The following SPOP variants were observed in gnomAD, a reference collection of about 807,000 sequenced individuals.
SPOP encodes speckle type BTB/POZ protein.
Under a neutral mutation model 45.6 loss-of-function variants are expected in SPOP, and 11 were observed. That is an observed-to-expected ratio of 0.24 (90% CI 0.15 to 0.40). The LOEUF (loss-of-function observed/expected upper bound fraction) is 0.40, where lower values mean the gene tolerates loss of function less well. Among genes scored for constraint, SPOP ranks in the 10% least tolerant of loss-of-function variants. The pLI is 1.00. For missense variants in SPOP, 152 were observed against 465.6 expected, an observed-to-expected ratio of 0.33 and a Z score of 6.20; for synonymous variants, 166 against 166.3, an observed-to-expected ratio of 1.00 and a Z score of 0.01.
intron 6 of SPOP, among the ~76,000 whole-genome samples, chr17:49,610,199 A>G (rs1242566336): frequency 6.6e-6 from 1 of 152,052 alleles, no homozygotes; most frequent in Non-Finnish European, 1.5e-5. Context: ...CTAACCAAAG[A>G]GTTATAGACT....
intron 1 of SPOP, among the ~76,000 whole-genome samples, chr17:49,624,448 T>G (rs2072288747): frequency 6.6e-6 from 1 of 152,122 alleles, no homozygotes; most frequent in Admixed American, 6.5e-5. Context: ...AACATTATGC[T>G]GCATACCTCA....
At chr17:49,676,068 C>A (rs535006585) in intron 1 of SPOP, 2 of 151,920 alleles carry the variant, frequency 1.3e-5, no homozygotes, top group South Asian at 2.1e-4. Context: ...ATGGCCGAAA[C>A]CTACTGAGAA....
intron 1 of SPOP, among the ~76,000 whole-genome samples, chr17:49,665,263 A>G (rs2073037895): frequency 1.3e-5 from 2 of 152,180 alleles, no homozygotes; most frequent in African/African-American, 2.4e-5. Flanking sequence ...TTTCTTTAGG[A>G]AAAGTCCATT....
At chr17:49,634,779 G>C (rs933082630) in intron 1 of SPOP, among the ~76,000 whole-genome samples, 2 of 152,142 alleles carry the variant, frequency 1.3e-5, no homozygotes, top group African/African-American at 4.8e-5. Context: ...ACATGATTCG[G>C]CTATGGAAGG....
Position 49,611,532 on chromosome 17 carries a change from C to T in SPOP, c.481-75G>A, listed in dbSNP as rs968480474. The T allele has an allele frequency of 6.0e-6, 8 of 1,333,956 alleles. No individual in the cohort carries two copies. The African/African-American group carries it at 8.8e-5, about 15-fold the overall frequency. 82.6% of individuals were successfully genotyped at this position (1,333,956 alleles called of 1,614,324 possible). ...TTTGCCAGCAGATAGACGACTTTTA[C>T]CTAACTGCTGTAGTACATTCAGATA... On this transcript the variant is annotated intron_variant, in intron 5 of 9. Coordinates refer to ENST00000504102, the MANE Select transcript of SPOP (RefSeq NM_001007228.2).
At chr17:49,668,718 T>C (rs1257319292) in intron 1 of SPOP, among the ~76,000 whole-genome samples, 1 of 151,846 alleles carries the variant, frequency 6.6e-6, no homozygotes, top group Non-Finnish European at 1.5e-5. Flanking sequence ...TATACATATA[T>C]ACACACATAT....
At chr17:49,639,327 C>A (rs1428822977) in intron 1 of SPOP, among the ~76,000 whole-genome samples, 1 of 151,882 alleles carries the variant, frequency 6.6e-6, no homozygotes, top group Non-Finnish European at 1.5e-5. Flanking sequence ...GGTAGGAGAA[C>A]AAACTGGTAC....
At chr17:49,632,844 T>C (rs938940270) in intron 1 of SPOP, among the ~76,000 whole-genome samples, 5 of 152,358 alleles carry the variant, frequency 3.3e-5, no homozygotes, top group African/African-American at 9.6e-5. Flanking sequence ...CTACTTATAT[T>C]TGATCTATTG....
intron 1 of SPOP, among the ~76,000 whole-genome samples, chr17:49,652,983 T>C (rs1427807188): frequency 6.6e-6 from 1 of 152,194 alleles, no homozygotes; most frequent in Non-Finnish European, 1.5e-5. Context: ...TGGACGTCAG[T>C]TAAATAAACT....
intron 5 of SPOP, among the ~76,000 whole-genome samples, chr17:49,613,937 G>C (rs999835916): frequency 1.3e-5 from 2 of 152,090 alleles, no homozygotes; most frequent in Non-Finnish European, 2.9e-5. Context: ...TGAAGATGAC[G>C]TGACTGTGAC....
At chr17:49,662,257 G>GT (rs2072998588) in intron 1 of SPOP, among the ~76,000 whole-genome samples, 1 of 152,018 alleles carries the variant, frequency 6.6e-6, no homozygotes, top group African/African-American at 2.4e-5. Flanking sequence ...TGAAAAAAAT[G>GT]TTAAGCTGTA....
At chr17:49,620,139 C>A (rs979871857) in intron 3 of SPOP, among the ~76,000 whole-genome samples, 1 of 151,100 alleles carries the variant, frequency 6.6e-6, no homozygotes, top group Admixed American at 6.6e-5. Flanking sequence ...CACTACGCTC[C>A]AGCCTGGGTA....
intron 1 of SPOP, among the ~76,000 whole-genome samples, chr17:49,652,319 T>A (rs1443161809): frequency 6.6e-6 from 1 of 152,214 alleles, no homozygotes; most frequent in Non-Finnish European, 1.5e-5. Context: ...AGCTAACAAC[T>A]AATCTTAACA....
At chr17:49,624,493 G>C (rs556115666) in intron 1 of SPOP, among the ~76,000 whole-genome samples, 1 of 152,088 alleles carries the variant, frequency 6.6e-6, no homozygotes, top group East Asian at 1.9e-4. Flanking sequence ...TTTTGAGACA[G>C]GGTCTCACTT....
At position 49,671,410 on chromosome 17, in the gene SPOP, G is replaced by C. The variant is rs76545694; in HGVS notation, c.-67+6523C>G. Among the ~76,000 whole-genome samples, 1,379 of 151,868 alleles carry C rather than the reference G, an allele frequency of 9.1e-3. 14 individuals carry two copies. Among genetic ancestry groups the C allele is most frequent in the Non-Finnish European group, 0.013 (866 of 67,924 alleles). The stretch of plus-strand genomic sequence containing the variant: ...AAATGTCATATACATAAAGGTTAAG[G>C]GTAAGGGTTCTGCATCTAGGACGGG... On this transcript the variant is annotated intron_variant, in intron 1 of 9. Coordinates refer to ENST00000504102, the MANE Select transcript of SPOP (RefSeq NM_001007228.2).
intron 8 of SPOP, among the ~76,000 whole-genome samples, chr17:49,605,686 T>A (rs1264812653): frequency 7.3e-6 from 1 of 136,828 alleles, no homozygotes; most frequent in Non-Finnish European, 1.6e-5. Flanking sequence ...TGAGACTCTG[T>A]CTCAAAAAGT....
chr17:49,625,020 T>C (rs534152942), intron 1 of SPOP, among the ~76,000 whole-genome samples: 3 of 152,282 alleles, frequency 2.0e-5, no homozygotes, highest in Non-Finnish European at 4.4e-5. Context: ...TTCTGAAGTG[T>C]AGAGTGCACC....
chr17:49,663,158 G>A (rs1214343928), intron 1 of SPOP, among the ~76,000 whole-genome samples: 1 of 152,198 alleles, frequency 6.6e-6, no homozygotes, highest in South Asian at 2.1e-4. Flanking sequence ...AGAGGTGGAC[G>A]GGCGAGCAAG....
At chr17:49,624,331 G>GCGCGCACA (rs71352523) in intron 1 of SPOP, among the ~76,000 whole-genome samples, 48 of 149,306 alleles carry the variant, frequency 3.2e-4, no homozygotes, top group African/African-American at 1.1e-3. Flanking sequence ...GCGCGCGCGC[G>GCGCGCACA]CACACACACA....
Sources: gnomAD v4.1 joint callset for allele counts (sites outside exome capture counted in the v4.1 genomes callset) on GRCh38, gnomAD v4.1.1 for gene constraint, MANE v1.5 for transcripts, NCBI Gene and HGNC (gene_info 2026-07-23, HGNC 2026-07-21) for gene names.